The following RAG2 variants were observed in gnomAD, a reference collection of about 807,000 sequenced individuals.
The protein encoded by RAG2 is recombination activating 2.
RAG2 carries 16 observed loss-of-function variants against 31.8 expected under a neutral mutation model. The ratio of observed to expected loss-of-function variants is 0.50; its 90% CI spans 0.34 to 0.76. RAG2 has a LOEUF of 0.76. RAG2 is among the 30% of genes least tolerant of loss of function. The probability of loss-of-function intolerance (pLI) is 0.01; values close to 1 mark genes in which losing one functional copy is unlikely to be tolerated. For synonymous variants in RAG2, 199 were observed against 215.9 expected (o/e 0.92, Z 0.68); for missense variants, 622 against 628.5 (o/e 0.99, Z 0.11).
chr11:36,597,419 G>A (rs547547865), intron 1 of RAG2, among the ~76,000 whole-genome samples: 1 of 152,298 alleles, frequency 6.6e-6, no homozygotes, highest in East Asian at 1.9e-4. Flanking sequence ...CTTCAGCTGA[G>A]GGAGGCTTCA....
At chr11:36,591,285 G>C (rs568084538), downstream of RAG2, among the ~76,000 whole-genome samples, 1 of 152,220 alleles carries the variant, frequency 6.6e-6, no homozygotes, top group East Asian at 1.9e-4. Context: ...TTCATCTCTT[G>C]CATAATTCAT....
chr11:36,592,681 G>A lies in RAG2; in HGVS notation c.1488C>T (p.Pro496=), dbSNP rs2133310869. 6.2e-7 allele frequency: 1 copy of A among 1,614,076 alleles called. No individual in the cohort carries two copies. The highest frequency in any genetic ancestry group is 1.6e-4 in the Middle Eastern group (1 of 6,062). ...RALHTPQRVL[P]LKKPPMKSLR... ...GGGATTTCATTGGAGGCTTTTTTAA[G>A]GGTAGGACTCTTTGGGGAGTGTGTA... is the stretch of plus-strand genomic sequence containing the variant. The change falls in exon 2 of 2, where the codon CCC becomes CCT. Residue 496 remains proline, a synonymous_variant. Transcript: ENST00000311485.
rs886048272 is a variant in RAG2, at chr11:36,593,492, T to G, written c.677A>C (p.Asn226Thr). The G allele has an allele frequency of 1.2e-6, 2 of 1,614,134 alleles. No individual in the cohort carries two copies. Among genetic ancestry groups the G allele is most frequent in the Admixed American group, 3.3e-5 (2 of 60,026 alleles). The change falls in exon 2 of 2, where the codon AAT (asparagine) becomes ACT (threonine). Residue 226 changes from asparagine (N) to threonine (T), a missense_variant. By Grantham distance (65) the Asn-to-Thr change is moderately conservative. Transcript: ENST00000311485. Reference protein sequence around the residue: ...IYILGGHSLANNIRPANLYRI... With the variant: ...IYILGGHSLATNIRPANLYRI... ...GTACAGGTTGGCAGGCCGGATATTA[T>G]TGGCAAGTGAATGTCCTCCTAAAAT...
At position 36,594,104 on chromosome 11, in the gene RAG2, A is replaced by G. The variant is rs1851106331; in HGVS notation, c.65T>C (p.Met22Thr). 6.2e-7 allele frequency: 1 copy of G among 1,614,084 alleles called. No individual in the cohort carries two copies. Among genetic ancestry groups the G allele is most frequent in the African/African-American group, 1.3e-5 (1 of 75,024 alleles). ...IALIQPGFSL[M>T]NFDGQVFFFG... Reference sequence around the variant, plus strand: ...GAAGAAAACTTGTCCATCAAAATTCATCAGTGAGAAGCCTGGCTGAATTAA... The same window carrying G: ...GAAGAAAACTTGTCCATCAAAATTCGTCAGTGAGAAGCCTGGCTGAATTAA... Residue 22 changes from methionine (M) to threonine (T), a missense_variant, in exon 2 of 2, where the codon ATG becomes ACG. Physicochemically the swap from Met to Thr is moderately conservative, Grantham distance 81. Transcript: ENST00000311485.
chr11:36,595,749 G>A (rs1851197057), intron 1 of RAG2, among the ~76,000 whole-genome samples: 1 of 152,214 alleles, frequency 6.6e-6, no homozygotes, highest in Non-Finnish European at 1.5e-5. Flanking sequence ...TTTGCATATA[G>A]TAGACGATAG....
chr11:36,597,546 C>T (rs1262894075), intron 1 of RAG2: 2 of 152,210 alleles, frequency 1.3e-5, no homozygotes, highest in Non-Finnish European at 2.9e-5. Context: ...TTTATTCTCT[C>T]TGATGCTAGG....
At chr11:36,597,600 G>C (rs555969753) in intron 1 of RAG2, 1 of 152,156 alleles carries the variant, frequency 6.6e-6, no homozygotes, top group African/African-American at 2.4e-5. Flanking sequence ...TGAGGTCTGG[G>C]TTTATAGTTC....
At chr11:36,596,990 C>T (rs1451659816) in intron 1 of RAG2, among the ~76,000 whole-genome samples, 1 of 152,136 alleles carries the variant, frequency 6.6e-6, no homozygotes, top group Non-Finnish European at 1.5e-5. Flanking sequence ...CCCTTTGATG[C>T]TCTGCTTTTG....
chr11:36,595,406 G>A (rs796154336), intron 1 of RAG2: 2 of 152,212 alleles, frequency 1.3e-5, no homozygotes, highest in East Asian at 3.8e-4. Context: ...ACCTTAGAGA[G>A]TTGTGGAATA....
rs189751142 is a variant in RAG2 at position 36,593,632 on chromosome 11, C to T, written c.537G>A (p.Leu179=). 6.2e-7 allele frequency: 1 copy of T among 1,614,160 alleles called. No individual in the cohort carries two copies. Among genetic ancestry groups the T allele is most frequent in the East Asian group, 2.2e-5 (1 of 44,878 alleles). ...CAAAATCCACCAGGAAAACACAGGG[C>T]AGGCAGTCAGCTACACTATTCCATT... ...TEKWNSVADC[L]PCVFLVDFEF... is the part of the protein sequence containing the mutation. Residue 179 remains leucine (L), a synonymous_variant, in exon 2 of 2, where the codon CTG becomes CTA. Coordinates refer to ENST00000311485, the MANE Select transcript of RAG2 (RefSeq NM_000536.4).
chr11:36,591,897 T>C (rs940363176), downstream of RAG2: 14 of 152,188 alleles, frequency 9.2e-5, no homozygotes, highest in African/African-American at 3.4e-4. Flanking sequence ...GGAGGGGAAA[T>C]CCTTAAAGAA....
Position 36,593,291 on chromosome 11 carries a change from T to C in RAG2, c.878A>G (p.Glu293Gly), listed in dbSNP as rs16929093. Reference protein sequence around the residue: ...KRMICNIISLEDNKIEIREME... With the variant: ...KRMICNIISLGDNKIEIREME... ...CTCACGAATTTCTATCTTGTTGTCC[T>C]CTAAAGAGATGATGTTGCAGATCAT... The change falls in exon 2 of 2, where the codon GAG becomes GGG. Residue 293 changes from glutamate to glycine, a missense_variant. Physicochemically the swap from Glu to Gly is moderately conservative, Grantham distance 98. Transcript: ENST00000311485. The C allele has an allele frequency of 5.7e-3, 9,222 of 1,614,168 alleles. 437 individuals carry two copies. The African/African-American group carries it at 0.11, about 19-fold the overall frequency.
chr11:36,593,676 T>A lies in RAG2; in HGVS notation c.493A>T (p.Thr165Ser). 1 of 1,614,162 alleles carries A rather than the reference T, an allele frequency of 6.2e-7. No homozygotes were observed. The highest frequency in any genetic ancestry group is 8.5e-7 in the Non-Finnish European group (1 of 1,180,038). ...LFGGRSYMPS[T>S]HRTTEKWNSV... ...TTCCATTTTTCTGTGGTTCTGTGGG[T>A]AGAAGGCATGTATGAGCGTCCTCCA... The change falls in exon 2 of 2, where the codon ACC becomes TCC. Residue 165 changes from threonine to serine, a missense_variant. Physicochemically the swap from Thr to Ser is moderately conservative, Grantham distance 58. Transcript: ENST00000311485.
intron 1 of RAG2, among the ~76,000 whole-genome samples, chr11:36,596,158 C>A (rs1851221168): frequency 6.7e-6 from 1 of 148,250 alleles, no homozygotes; most frequent in African/African-American, 2.5e-5. Context: ...ATTCCTCCTG[C>A]AAAGATTCCT....
Position 36,594,136 on chromosome 11 carries a change from G to A in RAG2, c.33C>T (p.Asn11=). The A allele has an allele frequency of 6.2e-7, 1 of 1,613,642 alleles. No individual in the cohort carries two copies. The part of the protein sequence containing the change: MSLQMVTVSN[N]IALIQPGFSL... ...AGAAGCCTGGCTGAATTAAGGCTAT[G>A]TTATTACTGACTGTTACCATCTGCA... Residue 11 remains asparagine (N), a synonymous_variant, in exon 2 of 2, where the codon AAC becomes AAT. Transcript: ENST00000311485.
At chr11:36,594,961 C>T (rs1359650443) in intron 1 of RAG2, 1 of 152,226 alleles carries the variant, frequency 6.6e-6, no homozygotes, top group Non-Finnish European at 1.5e-5. Flanking sequence ...TTACAAAAGC[C>T]GTGACTGTCT....
At chr11:36,595,086 G>A (rs981848821) in intron 1 of RAG2, 1 of 152,168 alleles carries the variant, frequency 6.6e-6, no homozygotes, top group African/African-American at 2.4e-5. Flanking sequence ...AGGTTTTAAC[G>A]AGTGCACTTT....
At chr11:36,591,774 T>G (rs927894291), downstream of RAG2, among the ~76,000 whole-genome samples, 1 of 152,192 alleles carries the variant, frequency 6.6e-6, no homozygotes, top group Non-Finnish European at 1.5e-5. Context: ...TCTTACTCAC[T>G]TCCTTTTTCC....
chr11:36,595,426 T>G (rs1851176578), intron 1 of RAG2, among the ~76,000 whole-genome samples: 1 of 152,250 alleles, frequency 6.6e-6, no homozygotes, highest in South Asian at 2.1e-4. Context: ...ACACTCCGTG[T>G]TTGCAGTGTG....
Sources: allele counts gnomAD v4.1 joint callset (sites outside exome capture counted in the v4.1 genomes callset), GRCh38; gene constraint gnomAD v4.1.1; transcripts MANE v1.5; gene names NCBI Gene and HGNC (gene_info 2026-07-23, HGNC 2026-07-21).